Variants in TIAM2 observed in about 807,000 individuals in gnomAD.
The protein encoded by TIAM2 is rho guanine nucleotide exchange factor TIAM2.
Under a neutral mutation model 152.9 loss-of-function variants are expected in TIAM2, and 80 were observed. The ratio of observed to expected loss-of-function variants is 0.52; its 90% CI spans 0.44 to 0.63. The LOEUF is 0.63. Ranked by LOEUF, TIAM2 falls within the 30% of genes least tolerant of loss-of-function variation. The pLI is 0.00. For synonymous variants in TIAM2, 804 were observed against 838.0 expected (o/e 0.96, Z 0.70); for missense variants, 1,965 against 2,120.1 (o/e 0.93, Z 1.44).
At chr6:155,109,140 C>T (rs1346467472) in intron 2 of TIAM2, among the ~76,000 whole-genome samples, 1 of 152,124 alleles carries the variant, frequency 6.6e-6, no homozygotes, top group Non-Finnish European at 1.5e-5. Flanking sequence ...CCCACCACCA[C>T]ACCCGGCTAA....
In TIAM2 at chr6:155,254,201, C is replaced by T. The variant is rs146208233; in HGVS notation, c.4313+141C>T. On this transcript the variant is annotated intron_variant, in intron 25 of 26. Transcript: ENST00000682666. ...ACCCTCCGAAAAAGGCAACTGAGGC[C>T]GCTAGTAGGAGACTATGTTGATTAA... 1,108 of 1,008,932 alleles carry T rather than the reference C, an allele frequency of 1.1e-3. 10 individuals are homozygous for T. In the African/African-American group the frequency reaches 0.016, roughly 15 times the overall value. The allele number at this position is 1,008,932 out of a possible 1,614,324, so 62.5% of individuals were successfully genotyped here. A position where few individuals can be genotyped will look rare whatever the true frequency, so the allele number is the denominator to read the frequency against.
At chr6:155,040,414 A>G (rs2114905375) in intron 1 of TIAM2, among the ~76,000 whole-genome samples, 1 of 152,312 alleles carries the variant, frequency 6.6e-6, no homozygotes, top group South Asian at 2.1e-4. Context: ...GGAAGAAGAC[A>G]TTTAATGAAG....
At chr6:155,210,712 A>T (rs1023802233) in intron 14 of TIAM2, among the ~76,000 whole-genome samples, 1 of 152,236 alleles carries the variant, frequency 6.6e-6, no homozygotes, top group Non-Finnish European at 1.5e-5. Context: ...AGTTAGGATG[A>T]AATTGTGGTT....
chr6:155,213,409 T>C lies in TIAM2; in HGVS notation c.3168+2102T>C, dbSNP rs1781768996. 6.6e-6 allele frequency among the ~76,000 whole-genome samples: 1 copy of C among 152,166 alleles called. No individual in the cohort carries two copies. Among genetic ancestry groups the C allele is most frequent in the African/African-American group, 2.4e-5 (1 of 41,450 alleles). On this transcript the variant is annotated intron_variant, in intron 15 of 26. Coordinates refer to ENST00000682666, the MANE Select transcript of TIAM2 (RefSeq NM_012454.4). The surrounding 1 kb of genome is among the most constrained non-coding windows in gnomAD (Gnocchi z 4.2). Reference sequence around the variant, plus strand: ...CTGGTAGTACTAATGTCTGCTTAGCTTTAAGCAGAGAGGAGACCCTGGAGT... The same window carrying C: ...CTGGTAGTACTAATGTCTGCTTAGCCTTAAGCAGAGAGGAGACCCTGGAGT...
At chr6:155,233,103 A>G (rs1168959322) in intron 15 of TIAM2, among the ~76,000 whole-genome samples, 1 of 152,198 alleles carries the variant, frequency 6.6e-6, no homozygotes. Context: ...CTTCTGATGC[A>G]GTGGACTCCT....
intron 1 of TIAM2, among the ~76,000 whole-genome samples, chr6:155,081,323 C>T (rs866372446): frequency 6.6e-6 from 1 of 151,060 alleles, no homozygotes; most frequent in African/African-American, 2.4e-5. Flanking sequence ...CATGTACTTA[C>T]AGTCATTCAA....
intron 1 of TIAM2, among the ~76,000 whole-genome samples, chr6:155,015,117 C>T (rs1159017606): frequency 6.6e-6 from 1 of 151,900 alleles, no homozygotes; most frequent in African/African-American, 2.4e-5. Context: ...TGCAGAGAGT[C>T]CGCACAGGGG....
chr6:155,066,154 A>G (rs1777689665), intron 1 of TIAM2, among the ~76,000 whole-genome samples: 1 of 81,356 alleles, frequency 1.2e-5, no homozygotes, highest in African/African-American at 4.1e-5. Flanking sequence ...CCCCTTCTCA[A>G]TTTTCCTGTT....
intron 26 of TIAM2, chr6:155,255,492 C>T (rs911026305): frequency 8.6e-5 from 13 of 151,876 alleles, no homozygotes; most frequent in African/African-American, 2.4e-4. Flanking sequence ...TTCAGATCTA[C>T]CACATATTTA....
intron 4 of TIAM2, 89 bp downstream of exon 4, chr6:155,130,506 G>C: frequency 1.6e-6 from 2 of 1,257,026 alleles, no homozygotes; most frequent in Non-Finnish European, 2.2e-6. Flanking sequence ...ATAGAGTGTT[G>C]TCGGGGTGCT....
At chr6:155,016,392 T>G (rs1562290420) in intron 1 of TIAM2, 1 of 152,172 alleles carries the variant, frequency 6.6e-6, no homozygotes, top group Non-Finnish European at 1.5e-5. Context: ...AATCCCATTT[T>G]TGTAGAACAT....
chr6:155,169,888 G>A (rs534649625), intron 9 of TIAM2, among the ~76,000 whole-genome samples: 80 of 151,834 alleles, frequency 5.3e-4, no homozygotes, highest in Non-Finnish European at 5.9e-5. Flanking sequence ...GCGTGATCTC[G>A]GCTCACTGAA....
chr6:155,076,471 G>T (rs891824716), intron 1 of TIAM2, among the ~76,000 whole-genome samples: 1 of 152,138 alleles, frequency 6.6e-6, no homozygotes, highest in African/African-American at 2.4e-5. Flanking sequence ...TCAGTAGAAG[G>T]AAATTCTGCA....
chr6:155,149,756 C>T (rs1192754828), intron 7 of TIAM2, among the ~76,000 whole-genome samples: 1 of 151,960 alleles, frequency 6.6e-6, no homozygotes, highest in African/African-American at 2.4e-5. Flanking sequence ...AACCCCATCT[C>T]TACTAAAAAT....
intron 2 of TIAM2, among the ~76,000 whole-genome samples, chr6:155,104,315 CCTGTT>C (rs1334643495): frequency 6.6e-6 from 1 of 152,066 alleles, no homozygotes; most frequent in Non-Finnish European, 1.5e-5. Context: ...CTAAAAATTC[CCTGTT>C]CTGTGTTCAC....
Position 155,257,301 on chromosome 6 carries a change from C to T in TIAM2, c.*180C>T, listed in dbSNP as rs1463284549. ...ATTTTAATTTATTGTGGATCAGAAA[C>T]CTAGATGAAACTGGTCAGAATCTGT... On this transcript the variant is annotated 3_prime_UTR_variant, in exon 27 of 27. Coordinates refer to ENST00000682666, the MANE Select transcript of TIAM2 (RefSeq NM_012454.4). 1 of 705,960 alleles carries T rather than the reference C, an allele frequency of 1.4e-6. No homozygotes were observed. Among genetic ancestry groups the T allele is most frequent in the East Asian group, 2.8e-5 (1 of 35,466 alleles). The allele number at this position is 705,960 out of a possible 1,614,324, so 43.7% of individuals were successfully genotyped here. A position where few individuals can be genotyped will look rare whatever the true frequency, so the allele number is the denominator to read the frequency against.
intron 20 of TIAM2, 88 bp downstream of exon 20, chr6:155,248,267 T>C (rs1783452298): frequency 7.0e-7 from 1 of 1,436,870 alleles, no homozygotes; most frequent in African/African-American, 1.4e-5. Flanking sequence ...AGCTCACCTC[T>C]TCCCCGCCTA....
intron 1 of TIAM2, among the ~76,000 whole-genome samples, chr6:155,077,275 T>A (rs568674008): frequency 1.3e-5 from 2 of 152,220 alleles, no homozygotes; most frequent in African/African-American, 4.8e-5. Flanking sequence ...TTCAGAAGAC[T>A]TCCATGCTAG....
intron 15 of TIAM2, among the ~76,000 whole-genome samples, chr6:155,224,491 C>A (rs140497325): frequency 6.6e-6 from 1 of 152,132 alleles, no homozygotes; most frequent in Admixed American, 6.5e-5. Flanking sequence ...TGGGATCATT[C>A]GTTTTGTAAA....
Sources: allele counts gnomAD v4.1 joint callset (sites outside exome capture counted in the v4.1 genomes callset), GRCh38; gene constraint gnomAD v4.1.1; non-coding constraint Gnocchi (gnomAD v3.1); transcripts MANE v1.5; gene names NCBI Gene and HGNC (gene_info 2026-07-23, HGNC 2026-07-21).